Variants in CDADC1 observed in about 807,000 individuals in gnomAD.
CDADC1 encodes cytidine and dCMP deaminase domain containing 1, also known as dCTP deaminase.
In CDADC1, 39 loss-of-function variants were observed where a neutral mutation model predicts 54.9. The ratio of observed to expected loss-of-function variants is 0.71; its 90% CI spans 0.55 to 0.93. CDADC1 has a LOEUF of 0.93. Among genes scored for constraint, CDADC1 ranks in the 40% least tolerant of loss-of-function variants. The pLI, the probability that CDADC1 is intolerant of heterozygous loss-of-function variation, is 0.00. For synonymous variants in CDADC1, 186 were observed against 204.0 expected, an observed-to-expected ratio of 0.91 and a Z score of 0.75; for missense variants, 518 against 618.8, an observed-to-expected ratio of 0.84 and a Z score of 1.73.
At chr13:49,250,032 G>C (rs1344005402) in intron 2 of CDADC1, among the ~76,000 whole-genome samples, 1 of 152,094 alleles carries the variant, frequency 6.6e-6, no homozygotes, top group Non-Finnish European at 1.5e-5. Flanking sequence ...AATGAGGGGG[G>C]TGGGGCAGAA....
At chr13:49,286,394 G>A in intron 9 of CDADC1, 112 bp downstream of exon 9, 3 of 773,450 alleles carry the variant, frequency 3.9e-6, no homozygotes, top group Admixed American at 4.6e-5. Context: ...TATTATTTTT[G>A]AAGGTTAGAT....
At chr13:49,266,183 C>A (rs1017519187) in intron 4 of CDADC1, among the ~76,000 whole-genome samples, 3 of 152,112 alleles carry the variant, frequency 2.0e-5, no homozygotes, top group African/African-American at 4.8e-5. Flanking sequence ...AAAAAAAAAT[C>A]TCTCCTAGCT....
At chr13:49,287,924 G>T (rs574299985) in intron 9 of CDADC1, among the ~76,000 whole-genome samples, 4 of 150,282 alleles carry the variant, frequency 2.7e-5, no homozygotes, top group Non-Finnish European at 4.4e-5. Context: ...AGTGATCCAT[G>T]CTTGTACCAC....
intron 4 of CDADC1, among the ~76,000 whole-genome samples, chr13:49,266,728 A>G (rs111562662): frequency 2.6e-5 from 4 of 152,138 alleles, no homozygotes; most frequent in African/African-American, 7.2e-5. Context: ...TTTGCTTGCT[A>G]TTTTAAAGAA....
chr13:49,282,838 C>T (rs773360817), intron 8 of CDADC1, among the ~76,000 whole-genome samples: 3 of 152,258 alleles, frequency 2.0e-5, no homozygotes, highest in Non-Finnish European at 4.4e-5. Flanking sequence ...AGGTTGTGCA[C>T]TCCTTATGAG....
chr13:49,255,741 T>C (rs940123455), intron 2 of CDADC1, 98 bp from the exon 3 acceptor site: 2 of 1,486,406 alleles, frequency 1.3e-6, no homozygotes. Flanking sequence ...AAAAAAATGG[T>C]CAAAGCCAAG....
intron 5 of CDADC1, among the ~76,000 whole-genome samples, chr13:49,273,918 T>G (rs1319166299): frequency 2.0e-5 from 3 of 152,212 alleles, no homozygotes; most frequent in Non-Finnish European, 4.4e-5. Flanking sequence ...TCTGAAACCT[T>G]TATTAAATTT....
At chr13:49,280,422 C>T in intron 7 of CDADC1, 87 bp from the exon 8 acceptor site, 1 of 563,072 alleles carries the variant, frequency 1.8e-6, no homozygotes, top group Non-Finnish European at 2.9e-6. Flanking sequence ...TTTAAAACAG[C>T]TCAATTTTAG....
chr13:49,284,077 A>G lies in CDADC1; in HGVS notation c.1411-2145A>G, dbSNP rs9562874. On this transcript the variant is annotated intron_variant, in intron 8 of 9. Transcript: ENST00000251108. ...TTGATAAGTTACCATAGACCTTGAGATAAGTAGTTCTATTCTGTGGTGTTG... is the reference window on the plus strand; with the variant it reads ...TTGATAAGTTACCATAGACCTTGAGGTAAGTAGTTCTATTCTGTGGTGTTG... 3.9e-3 allele frequency among the ~76,000 whole-genome samples: 590 copies of G among 152,326 alleles called. 34 individuals carry two copies. The East Asian group carries it at 0.099, about 25-fold the overall frequency.
rs779829480 is a variant in CDADC1, at chr13:49,267,677, C to T, written c.618C>T (p.Thr206=). The T allele has an allele frequency of 1.9e-6, 3 of 1,613,436 alleles. No homozygotes were observed. The highest frequency in any genetic ancestry group is 1.1e-5 in the South Asian group (1 of 90,870). Residue 206 remains threonine (T), a synonymous_variant, in exon 5 of 10, where the codon ACC becomes ACT. Coordinates refer to ENST00000251108, the MANE Select transcript of CDADC1 (RefSeq NM_030911.4). ...ATATGGTGCAGTTTGTAGAGGAGAC[C>T]TCTTACAAATGTGACTTTATTCAAA... is the stretch of plus-strand genomic sequence containing the variant. The part of the protein sequence containing the change: ...VCYMVQFVEE[T]SYKCDFIQKI...
intron 7 of CDADC1, 45 bp from the exon 8 acceptor site, chr13:49,280,464 C>A: frequency 9.9e-7 from 1 of 1,012,486 alleles, no homozygotes; most frequent in Non-Finnish European, 1.4e-6. Context: ...AATAACTTAC[C>A]CTTTCAGAAA....
At chr13:49,289,187 G>A (rs1032730921) in intron 9 of CDADC1, among the ~76,000 whole-genome samples, 3 of 136,638 alleles carry the variant, frequency 2.2e-5, no homozygotes, top group African/African-American at 8.4e-5. Flanking sequence ...GGAGTGCAGT[G>A]GCGTGATCCT....
In CDADC1 at chr13:49,278,366, C is replaced by G. The variant is rs1485846124; in HGVS notation, c.1067C>G (p.Thr356Arg). ...AEGKSRSCDG[T>R]GAMYFVGCGY... ...CTCTCGTAGAGAAGTTGTGATGGAACAGGTGCCATGTACTTTGTAGGATGT... is the reference window on the plus strand; with the variant it reads ...CTCTCGTAGAGAAGTTGTGATGGAAGAGGTGCCATGTACTTTGTAGGATGT... The change falls in exon 7 of 10, where the codon ACA becomes AGA. Residue 356 changes from threonine (T) to arginine (R), a missense_variant. Coordinates refer to ENST00000251108, the MANE Select transcript of CDADC1 (RefSeq NM_030911.4). 6.4e-7 allele frequency: 1 copy of G among 1,561,748 alleles called. No individual in the cohort carries two copies. Among genetic ancestry groups the G allele is most frequent in the African/African-American group, 1.3e-5 (1 of 74,212 alleles).
chr13:49,250,364 A>G (rs1275502419), intron 2 of CDADC1, among the ~76,000 whole-genome samples: 1 of 152,240 alleles, frequency 6.6e-6, no homozygotes, highest in South Asian at 2.1e-4. Flanking sequence ...ATGAGTAGAA[A>G]CACTAGGCAT....
intron 8 of CDADC1, among the ~76,000 whole-genome samples, chr13:49,283,252 A>G (rs1050321967): frequency 2.0e-5 from 3 of 152,150 alleles, no homozygotes; most frequent in Non-Finnish European, 4.4e-5. Context: ...TCATGTGTAT[A>G]TGAAGTATCA....
Position 49,248,056 on chromosome 13 carries a change from A to T in CDADC1, c.19A>T (p.Met7Leu). Residue 7 changes from methionine (M) to leucine (L), a missense_variant, in exon 1 of 10, where the codon ATG (methionine) becomes TTG (leucine). Met to Leu is a conservative substitution (Grantham distance 15, BLOSUM62 2). Transcript: ENST00000251108. MKEAGQ[M>L]QNLESARAGR... is the part of the protein sequence containing the mutation. ...GTTTGGGATGAAAGAAGCTGGGCAG[A>T]TGCAAAATCTGGAGAGCGCGAGGGC... 1 of 1,553,636 alleles carries T rather than the reference A, an allele frequency of 6.4e-7. No homozygotes were observed. Among genetic ancestry groups the T allele is most frequent in the Non-Finnish European group, 8.7e-7 (1 of 1,148,228 alleles).
At chr13:49,255,747 C>T in intron 2 of CDADC1, 92 bp from the exon 3 acceptor site, 1 of 1,513,542 alleles carries the variant, frequency 6.6e-7, no homozygotes, top group Non-Finnish European at 8.9e-7. Flanking sequence ...ATGGTCAAAG[C>T]CAAGGAAGCC....
At chr13:49,287,660 A>G (rs553932244) in intron 9 of CDADC1, among the ~76,000 whole-genome samples, 50 of 152,310 alleles carry the variant, frequency 3.3e-4, no homozygotes, top group Admixed American at 1.2e-3. Flanking sequence ...GCTACAATGA[A>G]GAATATCTGT....
rs2138253908 is a variant in CDADC1, at chr13:49,280,520, T to G, written c.1232T>G (p.Ile411Arg). The change falls in exon 8 of 10, where the codon ATA becomes AGA. Residue 411 changes from isoleucine (I) to arginine (R), a missense_variant. Ile to Arg is a moderately conservative substitution (Grantham distance 97). Coordinates refer to ENST00000251108, the MANE Select transcript of CDADC1 (RefSeq NM_030911.4). ...QNALTFRCQE[I>R]KPEERSMIFV... ...AATTTTTTTTGTAGGTGTCAAGAAA[T>G]AAAACCAGAAGAAAGAAGCATGATT... 1 of 1,414,086 alleles carries G rather than the reference T, an allele frequency of 7.1e-7. No individual in the cohort carries two copies. Among genetic ancestry groups the G allele is most frequent in the Non-Finnish European group, 9.3e-7 (1 of 1,072,942 alleles). 87.6% of individuals were successfully genotyped at this position (1,414,086 alleles called of 1,614,324 possible). A position where few individuals can be genotyped will look rare whatever the true frequency, so the allele number is the denominator to read the frequency against.
Sources: gnomAD v4.1 joint callset for allele counts (sites outside exome capture counted in the v4.1 genomes callset) on GRCh38, gnomAD v4.1.1 for gene constraint, MANE v1.5 for transcripts, NCBI Gene and HGNC (gene_info 2026-07-23, HGNC 2026-07-21) for gene names.